The following ABLIM1 variants were observed in gnomAD, a reference collection of about 807,000 sequenced individuals.
The protein encoded by ABLIM1 is actin-binding LIM protein 1.
In ABLIM1, 40 loss-of-function variants were observed where a neutral mutation model predicts 107.0. The observed-to-expected ratio is 0.37, with a 90% CI of 0.29 to 0.49. ABLIM1 has a LOEUF of 0.49. Ranked by LOEUF, ABLIM1 falls within the 20% of genes least tolerant of loss-of-function variation. The pLI is 0.97. For missense variants in ABLIM1, 857 were observed against 1,008.5 expected (o/e 0.85, Z 2.04); for synonymous variants, 357 against 357.3 (o/e 1.00, Z 0.01).
chr10:114,488,294 C>T (rs1332263381), intron 7 of ABLIM1, among the ~76,000 whole-genome samples: 2 of 151,970 alleles, frequency 1.3e-5, no homozygotes, highest in Non-Finnish European at 2.9e-5. Context: ...ATATTTAGTT[C>T]TTAATCGTGT....
At chr10:114,737,997 T>G (rs2082215402) in intron 1 of ABLIM1, among the ~76,000 whole-genome samples, 1 of 152,170 alleles carries the variant, frequency 6.6e-6, no homozygotes, top group Admixed American at 6.5e-5. Flanking sequence ...TCAAATTGTA[T>G]GCTTTAAAGG....
chr10:114,482,178 T>A (rs920310548), intron 8 of ABLIM1, among the ~76,000 whole-genome samples: 16 of 152,158 alleles, frequency 1.1e-4, no homozygotes, highest in African/African-American at 3.6e-4. Flanking sequence ...CAGTACTGAG[T>A]TTTACCTGTA....
chr10:114,596,122 T>C (rs1353448144), intron 2 of ABLIM1, among the ~76,000 whole-genome samples: 1 of 152,198 alleles, frequency 6.6e-6, no homozygotes, highest in Non-Finnish European at 1.5e-5. Flanking sequence ...TCAAATTCTA[T>C]CAACCCTAAC....
At chr10:114,538,680 T>C (rs2066300387) in intron 6 of ABLIM1, among the ~76,000 whole-genome samples, 1 of 152,200 alleles carries the variant, frequency 6.6e-6, no homozygotes, top group African/African-American at 2.4e-5. Context: ...TCTCCCTCTG[T>C]GGTCAGAATG....
intron 2 of ABLIM1, among the ~76,000 whole-genome samples, chr10:114,582,081 T>C (rs1433192362): frequency 2.0e-5 from 3 of 152,160 alleles, no homozygotes; most frequent in Non-Finnish European, 2.9e-5. Context: ...AAACGGTCTC[T>C]CTTTGCCGAT....
At chr10:114,766,975 C>T (rs917287773) in intron 1 of ABLIM1, among the ~76,000 whole-genome samples, 3 of 152,158 alleles carry the variant, frequency 2.0e-5, no homozygotes, top group African/African-American at 7.2e-5. Flanking sequence ...GTCCTTTCCA[C>T]CCCATTTCTA....
chr10:114,660,392 T>A (rs1199799655), upstream of ABLIM1, among the ~76,000 whole-genome samples: 1 of 150,638 alleles, frequency 6.6e-6, no homozygotes, highest in African/African-American at 2.5e-5. Context: ...AAAGCACCAC[T>A]ACAGAACTTA....
At chr10:114,607,012 C>T (rs916930510) in intron 1 of ABLIM1, among the ~76,000 whole-genome samples, 1 of 152,224 alleles carries the variant, frequency 6.6e-6, no homozygotes, top group African/African-American at 2.4e-5. Flanking sequence ...CCCCAGCAGC[C>T]CAGGCCCTCA....
chr10:114,463,096 C>T (rs993093417), intron 12 of ABLIM1: 15 of 1,334,142 alleles, frequency 1.1e-5, no homozygotes, highest in African/African-American at 4.5e-5. Flanking sequence ...GGGCGGGAGT[C>T]GCTGTGGGTG....
intron 1 of ABLIM1, among the ~76,000 whole-genome samples, chr10:114,642,540 G>A (rs1014885444): frequency 1.3e-5 from 2 of 152,088 alleles, no homozygotes; most frequent in South Asian, 2.1e-4. Flanking sequence ...CAAACAATGA[G>A]AGAAAACAAT....
intron 5 of ABLIM1, chr10:114,547,353 A>G (rs1313779264): frequency 6.5e-6 from 2 of 306,424 alleles, no homozygotes; most frequent in Middle Eastern, 9.8e-4. Context: ...TCATAGGAGA[A>G]TGAACAGCAA....
At chr10:114,664,273 A>T (rs1339063927) in intron 1 of ABLIM1, among the ~76,000 whole-genome samples, 3 of 152,094 alleles carry the variant, frequency 2.0e-5, no homozygotes, top group African/African-American at 4.8e-5. Context: ...GCTAACTAAA[A>T]CATTCATTAA....
chr10:114,470,999 C>G (rs764475171), intron 10 of ABLIM1, among the ~76,000 whole-genome samples: 44 of 152,222 alleles, frequency 2.9e-4, no homozygotes, highest in Non-Finnish European at 5.4e-4. Flanking sequence ...ATCCTCCCAT[C>G]TCAGCCTCCC....
intron 15 of ABLIM1, 88 bp from the exon 16 acceptor site, chr10:114,445,491 G>T: frequency 8.5e-7 from 1 of 1,173,576 alleles, no homozygotes; most frequent in Non-Finnish European, 1.3e-6. Context: ...AGTTTGTTAG[G>T]CTGGCAAGGT....
chr10:114,633,676 G>A (rs543756748), intron 1 of ABLIM1, among the ~76,000 whole-genome samples: 2 of 152,254 alleles, frequency 1.3e-5, no homozygotes, highest in Admixed American at 6.5e-5. Flanking sequence ...AGAGCAGCTC[G>A]ACTTCCAGTC....
chr10:114,649,400 AAAATAAATAAATAAAT>A (rs57772186), intron 1 of ABLIM1, among the ~76,000 whole-genome samples: 1,592 of 136,310 alleles, frequency 0.012, 21 homozygotes, highest in African/African-American at 0.034. Context: ...AGACTCTGTC[AAAATAAATAAATAAAT>A]AAATAAATAA....
At chr10:114,770,550 T>G (rs559770980), upstream of ABLIM1, among the ~76,000 whole-genome samples, 80 of 152,322 alleles carry the variant, frequency 5.3e-4, no homozygotes, top group African/African-American at 1.9e-3. Context: ...ATATAACATC[T>G]TATGAAAGGT....
chr10:114,474,384 C>CTTTTTT (rs71007472), intron 8 of ABLIM1, among the ~76,000 whole-genome samples: 2,361 of 135,904 alleles, frequency 0.017, 131 homozygotes, highest in African/African-American at 0.063. Flanking sequence ...ATAGAGAGAC[C>CTTTTTT]TTTTTTTTTT....
chr10:114,525,895 C>T (rs1040374973), intron 6 of ABLIM1, among the ~76,000 whole-genome samples: 10 of 152,074 alleles, frequency 6.6e-5, no homozygotes, highest in African/African-American at 2.4e-4. Flanking sequence ...ACTTTCTGGT[C>T]CCATTTCTTC....
Sources: gnomAD v4.1 joint callset for allele counts (sites outside exome capture counted in the v4.1 genomes callset) on GRCh38, gnomAD v4.1.1 for gene constraint, MANE v1.5 for transcripts, NCBI Gene and HGNC (gene_info 2026-07-23, HGNC 2026-07-21) for gene names.